NCKAP5L: variants seen among roughly 807,000 people sequenced by gnomAD.
NCKAP5L encodes NCK associated protein 5 like.
Under a neutral mutation model 103.2 loss-of-function variants are expected in NCKAP5L, and 54 were observed. The ratio of observed to expected loss-of-function variants is 0.52; its 90% CI spans 0.42 to 0.66. NCKAP5L has a LOEUF of 0.66. Ranked by LOEUF, NCKAP5L falls within the 30% of genes least tolerant of loss-of-function variation. The pLI is 0.00. For synonymous variants in NCKAP5L, 762 were observed against 748.6 expected, an observed-to-expected ratio of 1.02 and a Z score of -0.29; for missense variants, 1,733 against 1,750.6, an observed-to-expected ratio of 0.99 and a Z score of 0.18.
chr12:49,798,475 G>A lies in NCKAP5L; in HGVS notation c.352-12C>T, dbSNP rs1252668172. 6.4e-7 allele frequency: 1 copy of A among 1,560,014 alleles called. No homozygotes were observed. The highest frequency in any genetic ancestry group is 1.4e-5 in the African/African-American group (1 of 73,808). On this transcript the variant is annotated splice_polypyrimidine_tract_variant and intron_variant, in intron 6 of 12. Coordinates refer to ENST00000335999, the MANE Select transcript of NCKAP5L (RefSeq NM_001037806.4). ...GGAGTGAGTGGGATCTGCAGAGGGAGAGGCAGAGTTAGCACAGTAGCTGTC... is the reference window on the plus strand; with the variant it reads ...GGAGTGAGTGGGATCTGCAGAGGGAAAGGCAGAGTTAGCACAGTAGCTGTC...
In NCKAP5L at chr12:49,795,070, C is replaced by T. The variant is rs374137076; in HGVS notation, c.2790G>A (p.Ala930=). 1.8e-4 allele frequency: 284 copies of T among 1,611,472 alleles called. No homozygotes were observed. Among genetic ancestry groups the T allele is most frequent in the Non-Finnish European group, 2.3e-4 (270 of 1,179,122 alleles). The part of the protein sequence containing the change: ...WFGLKKSKLP[A]LNRRTEATKN... The stretch of plus-strand genomic sequence containing the variant: ...TGGTGGCCTCTGTGCGGCGGTTCAG[C>T]GCTGGCAGCTTGCTCTTCTTAAGGC... The change falls in exon 8 of 13, where the codon GCG becomes GCA. Residue 930 remains alanine (A), a synonymous_variant. Coordinates refer to ENST00000335999, the MANE Select transcript of NCKAP5L (RefSeq NM_001037806.4).
rs566907429 is a variant in NCKAP5L, at chr12:49,807,439, A to G, written c.-98-1398T>C. Among the ~76,000 whole-genome samples the G allele has an allele frequency of 4.6e-5, 7 of 152,300 alleles. No individual in the cohort carries two copies. In the South Asian group the frequency reaches 1.4e-3, roughly 32 times the overall value. On this transcript the variant is annotated intron_variant, in intron 1 of 12. Coordinates refer to ENST00000335999, the MANE Select transcript of NCKAP5L (RefSeq NM_001037806.4). ...CTGCATCCTTGGCCTCCTGGGCTCA[A>G]GTGATCTCCTGCCTTAGCCTCCCAA... is the stretch of plus-strand genomic sequence containing the variant.
At chr12:49,819,334 A>G (rs1047259707) in intron 1 of NCKAP5L, among the ~76,000 whole-genome samples, 1 of 151,732 alleles carries the variant, frequency 6.6e-6, no homozygotes, top group Non-Finnish European at 1.5e-5. Context: ...AAAATTAAAA[A>G]CCCTTAAATA....
chr12:49,797,488 A>AGCTCTGTTCCT lies in NCKAP5L; in HGVS notation c.466-95_466-94insAGGAACAGAGC. On this transcript the variant is annotated intron_variant, in intron 7 of 12. Transcript: ENST00000335999. This position sits in a 1 kb window ranked among gnomAD's most constrained non-coding sequence, Gnocchi z 4.5. ...CTGGGCTGGCTTAACAGGGAATGCC[A>AGCTCTGTTCCT]GGAACAGAGCTGGCCTGGTTGTGTC... is the stretch of plus-strand genomic sequence containing the variant. 1.1e-6 allele frequency: 1 copy of AGCTCTGTTCCT among 939,034 alleles called. No individual in the cohort carries two copies. The allele number at this position is 939,034 out of a possible 1,614,324, so 58.2% of individuals were successfully genotyped here. A position where few individuals can be genotyped will look rare whatever the true frequency, so the allele number is the denominator to read the frequency against.
At chr12:49,802,291 C>T (rs560078706) in intron 5 of NCKAP5L, 104 of 226,772 alleles carry the variant, frequency 4.6e-4, no homozygotes, top group African/African-American at 2.2e-3. Context: ...ACTTTGTCGC[C>T]AGGCTGGAGT....
At chr12:49,825,412 G>C (rs1020593366) in intron 1 of NCKAP5L, among the ~76,000 whole-genome samples, 20 of 152,310 alleles carry the variant, frequency 1.3e-4, no homozygotes, top group African/African-American at 4.8e-4. Context: ...CTTGTTTTGA[G>C]AGATGCAGCT....
chr12:49,796,950 C>T lies in NCKAP5L; in HGVS notation c.910G>A (p.Glu304Lys). 1.9e-6 allele frequency: 3 copies of T among 1,604,968 alleles called. No individual in the cohort carries two copies. The highest frequency in any genetic ancestry group is 8.5e-7 in the Non-Finnish European group (1 of 1,176,284). ...GGTGCCTCATTGGGGTCACCTGCCT[C>T]ATCAGAAGAGGAGGAGGAGCTGCTG... Reference protein sequence around the residue: ...PGSSSSSSSDEAGDPNEAPSP... With the variant: ...PGSSSSSSSDKAGDPNEAPSP... The change falls in exon 8 of 13, where the codon GAG (glutamate) becomes AAG (lysine). Residue 304 changes from glutamate to lysine, a missense_variant. Physicochemically the swap from Glu to Lys is moderately conservative, Grantham distance 56 (BLOSUM62 1). Coordinates refer to ENST00000335999, the MANE Select transcript of NCKAP5L (RefSeq NM_001037806.4).
intron 6 of NCKAP5L, among the ~76,000 whole-genome samples, chr12:49,801,337 T>C (rs546650112): frequency 6.6e-6 from 1 of 152,278 alleles, no homozygotes; most frequent in East Asian, 1.9e-4. Flanking sequence ...TAACCTCAAG[T>C]GACACCTTAA....
At chr12:49,798,553 C>A in intron 6 of NCKAP5L, 90 bp from the exon 7 acceptor site, 1 of 1,098,060 alleles carries the variant, frequency 9.1e-7, no homozygotes. Context: ...TCTGAGTCCG[C>A]TCCTTCACGG....
At position 49,792,863 on chromosome 12, in the gene NCKAP5L, G is replaced by C. The variant is rs768334373; in HGVS notation, c.3464C>G (p.Pro1155Arg). Residue 1155 changes from proline (P) to arginine (R), a missense_variant, in exon 11 of 13, where the codon CCA becomes CGA. By Grantham distance (103) the Pro-to-Arg change is moderately radical. Transcript: ENST00000335999. This position sits in a 1 kb window ranked among gnomAD's most constrained non-coding sequence, Gnocchi z 4.5. ...PKTKPPRLDP[P>R]PGVPPARPPP... ...GGGCCGAGCTGGGGGTACCCCAGGT[G>C]GGGGATCCAGCCGCGGTGGCTTGGT... 11 of 1,545,178 alleles carry C rather than the reference G, an allele frequency of 7.1e-6. No homozygotes were observed. In the Admixed American group the frequency reaches 1.3e-4, roughly 18 times the overall value.
Position 49,795,821 on chromosome 12 carries a change from C to A in NCKAP5L, c.2039G>T (p.Gly680Val), listed in dbSNP as rs758056393. Reference protein sequence around the residue: ...KLKTGPEGALGSEKNGVPARP... With the variant: ...KLKTGPEGALVSEKNGVPARP... ...GGCTGGCACCCCATTCTTCTCTGAG[C>A]CCAGGGCCCCCTCGGGGCCTGTCTT... Residue 680 changes from glycine to valine, a missense_variant, in exon 8 of 13, where the codon GGC becomes GTC. Physicochemically the swap from Gly to Val is moderately radical, Grantham distance 109 (BLOSUM62 -3). Coordinates refer to ENST00000335999, the MANE Select transcript of NCKAP5L (RefSeq NM_001037806.4). 41 of 1,567,412 alleles carry A rather than the reference C, an allele frequency of 2.6e-5. No homozygotes were observed. The highest frequency in any genetic ancestry group is 3.8e-5 in the Admixed American group (2 of 52,368).
chr12:49,820,338 A>C (rs772795771), intron 1 of NCKAP5L, among the ~76,000 whole-genome samples: 1 of 101,070 alleles, frequency 9.9e-6, no homozygotes, highest in Admixed American at 1.3e-4. Flanking sequence ...TTTTTTTGAG[A>C]TGGAGTTTTG....
At chr12:49,809,761 C>T (rs1423202560) in intron 1 of NCKAP5L, among the ~76,000 whole-genome samples, 1 of 152,122 alleles carries the variant, frequency 6.6e-6, no homozygotes, top group Non-Finnish European at 1.5e-5. Context: ...GCACTTCTAG[C>T]CTGAAAGGGG....
At chr12:49,794,499 A>C (rs373248482) in intron 8 of NCKAP5L, among the ~76,000 whole-genome samples, 1 of 152,088 alleles carries the variant, frequency 6.6e-6, no homozygotes. Context: ...AGGCTGCCTC[A>C]TCTGGTATGG....
At chr12:49,824,015 G>A (rs904257217) in intron 1 of NCKAP5L, among the ~76,000 whole-genome samples, 27 of 152,218 alleles carry the variant, frequency 1.8e-4, no homozygotes, top group African/African-American at 6.0e-4. Flanking sequence ...TTCCATATCT[G>A]CAGTGTTTTG....
chr12:49,805,243 T>G (rs760058372), intron 2 of NCKAP5L: 1 of 152,214 alleles, frequency 6.6e-6, no homozygotes, highest in Non-Finnish European at 1.5e-5. Context: ...TGCCTCCCCA[T>G]CCAAACTCAC....
At chr12:49,812,457 C>G (rs1203850772) in intron 1 of NCKAP5L, among the ~76,000 whole-genome samples, 1 of 151,788 alleles carries the variant, frequency 6.6e-6, no homozygotes, top group Non-Finnish European at 1.5e-5. Context: ...GATCTTGGCT[C>G]ATTGTAACCT....
At position 49,794,955 on chromosome 12, in the gene NCKAP5L, A is replaced by T; in HGVS notation, c.2905T>A (p.Ser969Thr). ...TCTTCCGCCTTGGCCATCAGCTTGG[A>T]GATGTTGAGGCTCTCGGCCTCCAGC... is the stretch of plus-strand genomic sequence containing the variant. The part of the protein sequence containing the change: ...RKLEAESLNI[S>T]KLMAKAEDLR... Residue 969 changes from serine (S) to threonine (T), a missense_variant, in exon 8 of 13, where the codon TCC becomes ACC. Coordinates refer to ENST00000335999, the MANE Select transcript of NCKAP5L (RefSeq NM_001037806.4). 2 of 1,584,744 alleles carry T rather than the reference A, an allele frequency of 1.3e-6. No homozygotes were observed. The highest frequency in any genetic ancestry group is 1.1e-5 in the South Asian group (1 of 87,740).
chr12:49,795,087 T>G lies in NCKAP5L; in HGVS notation c.2773A>C (p.Lys925Gln), dbSNP rs1946012165. The change falls in exon 8 of 13, where the codon AAG (lysine) becomes CAG (glutamine). Residue 925 changes from lysine (K) to glutamine (Q), a missense_variant. Lys to Gln is a moderately conservative substitution (Grantham distance 53, BLOSUM62 1). Transcript: ENST00000335999. ...SSIASWFGLKKSKLPALNRRT... is the reference protein window; with the variant it reads ...SSIASWFGLKQSKLPALNRRT... ...CGGTTCAGCGCTGGCAGCTTGCTCT[T>G]CTTAAGGCCGAACCAGCTGGCGATG... 1 of 1,612,750 alleles carries G rather than the reference T, an allele frequency of 6.2e-7. No homozygotes were observed. The highest frequency in any genetic ancestry group is 8.5e-7 in the Non-Finnish European group (1 of 1,179,626).
Sources: gnomAD v4.1 joint callset for allele counts (sites outside exome capture counted in the v4.1 genomes callset) on GRCh38, gnomAD v4.1.1 for gene constraint, Gnocchi (gnomAD v3.1) non-coding constraint, MANE v1.5 for transcripts, NCBI Gene and HGNC (gene_info 2026-07-23, HGNC 2026-07-21) for gene names.